The following FER1L6 variants were observed in gnomAD, a reference collection of about 807,000 sequenced individuals.
FER1L6 encodes the protein fer-1-like protein 6.
Under a neutral mutation model 219.2 loss-of-function variants are expected in FER1L6, and 177 were observed. That is an observed-to-expected ratio of 0.81 (90% CI 0.71 to 0.91). The LOEUF (loss-of-function observed/expected upper bound fraction) is 0.91. Ranked by LOEUF, FER1L6 falls within the 40% of genes least tolerant of loss-of-function variation. FER1L6 has a pLI of 0.00. For synonymous variants in FER1L6, 768 were observed against 824.3 expected (o/e 0.93, Z 1.17); for missense variants, 2,153 against 2,259.9 (o/e 0.95, Z 0.96).
At chr8:123,988,528 G>A (rs1450087126) in intron 12 of FER1L6, among the ~76,000 whole-genome samples, 1 of 151,726 alleles carries the variant, frequency 6.6e-6, no homozygotes, top group East Asian at 1.9e-4. Flanking sequence ...TTTCGTTGTG[G>A]AGATCTTTCA....
chr8:124,071,496 G>A lies in FER1L6; in HGVS notation c.3967-10G>A, dbSNP rs1390449007. On this transcript the variant is annotated splice_polypyrimidine_tract_variant and intron_variant, in intron 30 of 40. Transcript: ENST00000522917. ...ATCTCATTTCAATGGGTTGCGTTTT[G>A]TGGTTCCAGGGCTCCTTCTGCATCT... 2.5e-6 allele frequency: 4 copies of A among 1,613,804 alleles called. No individual in the cohort carries two copies. The highest frequency in any genetic ancestry group is 3.4e-6 in the Non-Finnish European group (4 of 1,179,894).
At chr8:123,979,247 G>A (rs1393825700) in intron 10 of FER1L6, among the ~76,000 whole-genome samples, 1 of 152,176 alleles carries the variant, frequency 6.6e-6, no homozygotes, top group Non-Finnish European at 1.5e-5. Context: ...CACTTCCTAA[G>A]GGCCTGCGTG....
At chr8:124,118,787 C>T in intron 39 of FER1L6, 57 bp from the exon 40 acceptor site, 2 of 1,417,568 alleles carry the variant, frequency 1.4e-6, no homozygotes, top group Non-Finnish European at 2.0e-6. Context: ...TAGAAGGTTG[C>T]CATTGGCTCA....
intron 40 of FER1L6, 58 bp from the exon 41 acceptor site, chr8:124,119,549 A>C (rs1263855899): frequency 5.2e-6 from 6 of 1,152,986 alleles, no homozygotes. Flanking sequence ...TGGGGTCTTA[A>C]GCATTCTGAG....
intron 12 of FER1L6, among the ~76,000 whole-genome samples, chr8:123,993,429 G>A (rs1428907324): frequency 6.3e-5 from 9 of 143,312 alleles, no homozygotes; most frequent in Admixed American, 2.8e-4. Flanking sequence ...GCGACAGAGC[G>A]AGACTCCGTC....
intron 1 of FER1L6, among the ~76,000 whole-genome samples, chr8:123,904,402 C>G (rs370592640): frequency 1.8e-3 from 271 of 152,072 alleles, no homozygotes; most frequent in African/African-American, 6.3e-3. Flanking sequence ...ACCCGCCAGC[C>G]CCCACTCCTA....
Position 123,855,778 on chromosome 8 carries a change from G to A in FER1L6, c.-8+3593G>A, listed in dbSNP as rs866202663. On this transcript the variant is annotated intron_variant, in intron 1 of 40. Coordinates refer to ENST00000522917, the MANE Select transcript of FER1L6 (RefSeq NM_001039112.2). ...TATATATATGTGTGTGTATATATAT[G>A]TGTGTGTGTGTATATATATATATAT... 1.2e-3 allele frequency among the ~76,000 whole-genome samples: 169 copies of A among 140,690 alleles called. 2 individuals carry two copies. Among genetic ancestry groups the A allele is most frequent in the African/African-American group, 4.8e-3 (163 of 34,018 alleles). 92.3% of individuals were successfully genotyped at this position (140,690 alleles called of 152,430 possible).
chr8:123,926,027 G>A (rs1011355824), intron 1 of FER1L6: 4 of 152,186 alleles, frequency 2.6e-5, no homozygotes, highest in East Asian at 3.9e-4. Flanking sequence ...GACAGAAAAG[G>A]CGTTAAAGTT....
intron 5 of FER1L6, among the ~76,000 whole-genome samples, chr8:123,968,564 G>A (rs1586531877): frequency 6.6e-6 from 1 of 152,346 alleles, no homozygotes; most frequent in South Asian, 2.1e-4. Flanking sequence ...GGAAGCCACA[G>A]CATCTGGTGT....
At chr8:124,106,173 C>CA (rs1245081915) in intron 39 of FER1L6, among the ~76,000 whole-genome samples, 1 of 151,376 alleles carries the variant, frequency 6.6e-6, no homozygotes, top group African/African-American at 2.4e-5. Flanking sequence ...ACTAAAAATA[C>CA]AAAAAATTAG....
At chr8:124,016,694 G>T (rs1436587541) in intron 15 of FER1L6, among the ~76,000 whole-genome samples, 1 of 152,068 alleles carries the variant, frequency 6.6e-6, no homozygotes, top group East Asian at 1.9e-4. Context: ...TCTTTCTACA[G>T]GTGCACATAA....
rs532263537 is a variant in FER1L6, at chr8:123,866,737, C to T, written c.-8+14552C>T. On this transcript the variant is annotated intron_variant, in intron 1 of 40. Transcript: ENST00000522917. ...AGCTCAAGCGATCCTCCTGCCTCAG[C>T]CTCCCGAGTAGTGAGGACCACAGGT... 2.6e-5 allele frequency among the ~76,000 whole-genome samples: 4 copies of T among 152,252 alleles called. No homozygotes were observed. In the South Asian group the frequency reaches 8.3e-4, roughly 32 times the overall value.
intron 1 of FER1L6, among the ~76,000 whole-genome samples, chr8:123,884,484 A>G (rs1018486988): frequency 1.3e-5 from 2 of 152,180 alleles, no homozygotes; most frequent in African/African-American, 4.8e-5. Context: ...CAGAGGCAGA[A>G]TTGCTCTCAT....
At chr8:124,016,064 GA>G (rs1005906992) in intron 15 of FER1L6, 6 of 152,776 alleles carry the variant, frequency 3.9e-5, no homozygotes, top group African/African-American at 1.4e-4. Context: ...AGAATGAACA[GA>G]AACATGTGCT....
At chr8:124,035,528 GC>G in intron 19 of FER1L6, 74 bp downstream of exon 19, 3 of 1,443,638 alleles carry the variant, frequency 2.1e-6, no homozygotes, top group Non-Finnish European at 2.8e-6. Flanking sequence ...AAGGAGGGCA[GC>G]ATGCATGAGT....
chr8:123,956,169 C>T (rs1225771008), intron 2 of FER1L6, 95 bp downstream of exon 2: 51 of 1,110,858 alleles, frequency 4.6e-5, no homozygotes, highest in East Asian at 3.3e-4. Context: ...TCAATGGGAG[C>T]GAGGGGGAGT....
Position 124,097,897 on chromosome 8 carries a change from C to G in FER1L6, c.4883+14C>G, listed in dbSNP as rs1291549557. On this transcript the variant is annotated intron_variant, in intron 37 of 40. Coordinates refer to ENST00000522917, the MANE Select transcript of FER1L6 (RefSeq NM_001039112.2). ...TTATGTGAAAGGGTAAGGTTATCAACAAACTCCAACCTCCCATTTCCTTCC... is the reference window on the plus strand; with the variant it reads ...TTATGTGAAAGGGTAAGGTTATCAAGAAACTCCAACCTCCCATTTCCTTCC... 1 of 1,324,740 alleles carries G rather than the reference C, an allele frequency of 7.5e-7. No individual in the cohort carries two copies. The highest frequency in any genetic ancestry group is 1.4e-5 in the African/African-American group (1 of 69,278). The allele number at this position is 1,324,740 out of a possible 1,614,324, so 82.1% of individuals were successfully genotyped here. A position where few individuals can be genotyped will look rare whatever the true frequency, so the allele number is the denominator to read the frequency against.
At chr8:123,921,524 C>T (rs1429325196) in intron 1 of FER1L6, among the ~76,000 whole-genome samples, 2 of 148,210 alleles carry the variant, frequency 1.3e-5, no homozygotes, top group African/African-American at 5.1e-5. Context: ...ACCACCATGC[C>T]AGGCTAATTT....
At chr8:123,890,625 A>ATTTTTTTTTTTTTTTTTTT (rs59914385) in intron 1 of FER1L6, among the ~76,000 whole-genome samples, 2 of 91,424 alleles carry the variant, frequency 2.2e-5, no homozygotes, top group African/African-American at 4.2e-5. Context: ...TAAAAATTTG[A>ATTTTTTTTTTTTTTTTTTT]TTTTTTTTTT....
Sources: gnomAD v4.1 joint callset for allele counts (sites outside exome capture counted in the v4.1 genomes callset) on GRCh38, gnomAD v4.1.1 for gene constraint, MANE v1.5 for transcripts, NCBI Gene and HGNC (gene_info 2026-07-23, HGNC 2026-07-21) for gene names.